Variants in ANKS1B observed in about 807,000 individuals in gnomAD.
The protein encoded by ANKS1B is ankyrin repeat and sterile alpha motif domain containing 1B.
In ANKS1B, 36 loss-of-function variants were observed where a neutral mutation model predicts 148.3. The ratio of observed to expected loss-of-function variants is 0.24; its 90% confidence interval spans 0.19 to 0.32. The LOEUF is 0.32. ANKS1B is among the 10% of genes least tolerant of loss of function. The pLI, the probability that ANKS1B is intolerant of heterozygous loss-of-function variation, is 1.00. For synonymous variants in ANKS1B, 542 were observed against 560.8 expected (o/e 0.97, Z 0.47); for missense variants, 1,157 against 1,542.6 (o/e 0.75, Z 4.19).
intron 17 of ANKS1B, among the ~76,000 whole-genome samples, chr12:98,897,890 A>G (rs2099767027): frequency 6.6e-6 from 1 of 152,236 alleles, no homozygotes; most frequent in Admixed American, 6.5e-5. Context: ...CATAAAAAAG[A>G]ATGAAATCAT....
At chr12:99,639,420 C>T (rs1005056592) in intron 9 of ANKS1B, among the ~76,000 whole-genome samples, 1 of 152,164 alleles carries the variant, frequency 6.6e-6, no homozygotes, top group South Asian at 2.1e-4. Flanking sequence ...TGAGTTAAGA[C>T]TTTGGGGGAC....
chr12:99,106,501 T>C (rs2059250755), intron 15 of ANKS1B, among the ~76,000 whole-genome samples: 2 of 152,262 alleles, frequency 1.3e-5, no homozygotes. Context: ...TATATACTCA[T>C]ACAACAGAAA....
At chr12:99,120,249 G>C (rs2062432283) in intron 15 of ANKS1B, among the ~76,000 whole-genome samples, 1 of 152,186 alleles carries the variant, frequency 6.6e-6, no homozygotes, top group African/African-American at 2.4e-5. Flanking sequence ...GTCATGGGGA[G>C]AACAAGCAAA....
intron 4 of ANKS1B, among the ~76,000 whole-genome samples, chr12:99,800,903 T>C (rs949117708): frequency 4.6e-5 from 7 of 151,966 alleles, no homozygotes; most frequent in Admixed American, 1.3e-4. Context: ...AATGAGGAAG[T>C]AGGTATAGAC....
chr12:99,410,599 G>A (rs1032448837), intron 11 of ANKS1B, among the ~76,000 whole-genome samples: 1 of 152,184 alleles, frequency 6.6e-6, no homozygotes, highest in Admixed American at 6.5e-5. Flanking sequence ...AACCTGGGAG[G>A]GGGAGCTTGC....
intron 16 of ANKS1B, among the ~76,000 whole-genome samples, chr12:99,071,180 T>C (rs1296074601): frequency 6.6e-6 from 1 of 152,242 alleles, no homozygotes; most frequent in Non-Finnish European, 1.5e-5. Context: ...TTTGCTAGAC[T>C]AAAATCTTCT....
intron 11 of ANKS1B, among the ~76,000 whole-genome samples, chr12:99,405,670 A>AG (rs1330112237): frequency 2.1e-5 from 3 of 144,854 alleles, no homozygotes; most frequent in Non-Finnish European, 4.6e-5. Context: ...ACACAATGGC[A>AG]GGATAAGTGC....
At position 99,239,350 on chromosome 12, in the gene ANKS1B, A is replaced by G. The variant is rs1024433974; in HGVS notation, c.2419+4992T>C. Reference sequence around the variant, plus strand: ...AAGATCAAATAAATGAAATAAAGCAAGAAGACAAGATTAGAGAAAAAAGAG... The same window carrying G: ...AAGATCAAATAAATGAAATAAAGCAGGAAGACAAGATTAGAGAAAAAAGAG... On this transcript the variant is annotated intron_variant, in intron 14 of 26. Coordinates refer to ENST00000683438, the MANE Select transcript of ANKS1B (RefSeq NM_001352186.2). Among the ~76,000 whole-genome samples, 13 of 152,308 alleles carry G rather than the reference A, an allele frequency of 8.5e-5. No individual in the cohort carries two copies. In the South Asian group the frequency reaches 2.7e-3, roughly 32 times the overall value.
intron 1 of ANKS1B, among the ~76,000 whole-genome samples, chr12:99,924,024 C>G (rs1204305573): frequency 1.3e-5 from 2 of 152,026 alleles, no homozygotes; most frequent in Non-Finnish European, 2.9e-5. Flanking sequence ...TTATTTAATA[C>G]TTTGGCACAC....
intron 17 of ANKS1B, among the ~76,000 whole-genome samples, chr12:99,034,779 T>C (rs117581158): frequency 0.011 from 1,666 of 152,326 alleles, 15 homozygotes; most frequent in Non-Finnish European, 0.018. Flanking sequence ...CATATGTTAA[T>C]CAAATACTTT....
intron 12 of ANKS1B, among the ~76,000 whole-genome samples, chr12:99,315,302 T>C (rs2083864331): frequency 1.3e-5 from 2 of 151,266 alleles, no homozygotes; most frequent in Non-Finnish European, 2.9e-5. Flanking sequence ...GAAAAAATTT[T>C]TTACAATCTA....
chr12:99,376,758 T>G (rs959410689), intron 12 of ANKS1B, among the ~76,000 whole-genome samples: 1 of 152,152 alleles, frequency 6.6e-6, no homozygotes, highest in Non-Finnish European at 1.5e-5. Context: ...ATATTTCTCT[T>G]GATGACAGTC....
intron 12 of ANKS1B, among the ~76,000 whole-genome samples, chr12:99,394,848 T>A (rs1299308368): frequency 2.0e-5 from 3 of 152,204 alleles, no homozygotes; most frequent in African/African-American, 4.8e-5. Flanking sequence ...TTCTGCTGCC[T>A]ACTTGACACA....
At position 98,957,307 on chromosome 12, in the gene ANKS1B, TTAAATA is replaced by T. The variant is rs1338241538; in HGVS notation, c.2778+95844_2778+95849del. Reference sequence around the variant, plus strand: ...CACAGTGGATGCTCCAGGATTTTTTTTAAATATTTATTTATTTATTTATTTATTTAT... The same window carrying T: ...CACAGTGGATGCTCCAGGATTTTTTTTTTATTTATTTATTTATTTATTTAT... On this transcript the variant is annotated intron_variant, in intron 17 of 26. Transcript: ENST00000683438. Among the ~76,000 whole-genome samples the T allele has an allele frequency of 8.0e-4, 117 of 145,448 alleles. 1 individual carries two copies. The highest frequency in any genetic ancestry group is 3.6e-3 in the Middle Eastern group (1 of 280).
intron 17 of ANKS1B, among the ~76,000 whole-genome samples, chr12:98,851,787 A>G (rs1169270254): frequency 6.6e-6 from 1 of 152,114 alleles, no homozygotes; most frequent in African/African-American, 2.4e-5. Context: ...GCACTTTGGG[A>G]GGCTGAGGTG....
intron 1 of ANKS1B, among the ~76,000 whole-genome samples, chr12:99,842,622 C>T (rs1399479379): frequency 6.6e-6 from 1 of 152,000 alleles, no homozygotes; most frequent in Non-Finnish European, 1.5e-5. Context: ...CCCATGTTTC[C>T]TCTTGGTAAT....
chr12:99,584,605 A>C (rs56131182), intron 9 of ANKS1B, among the ~76,000 whole-genome samples: 1 of 151,354 alleles, frequency 6.6e-6, no homozygotes. Flanking sequence ...TTGAGAGAGA[A>C]ATATATATAT....
intron 12 of ANKS1B, among the ~76,000 whole-genome samples, chr12:99,249,851 G>C (rs1311401086): frequency 2.0e-5 from 3 of 152,236 alleles, no homozygotes; most frequent in Non-Finnish European, 2.9e-5. Flanking sequence ...GTTGCTCTTG[G>C]AACCCTGACA....
chr12:98,853,559 G>C (rs2099544332), intron 17 of ANKS1B, among the ~76,000 whole-genome samples: 1 of 152,176 alleles, frequency 6.6e-6, no homozygotes, highest in Non-Finnish European at 1.5e-5. Flanking sequence ...TCTTCCCTTT[G>C]CTCTTTAAAT....
Sources: gnomAD v4.1 joint callset for allele counts (sites outside exome capture counted in the v4.1 genomes callset) on GRCh38, gnomAD v4.1.1 for gene constraint, MANE v1.5 for transcripts, NCBI Gene and HGNC (gene_info 2026-07-23, HGNC 2026-07-21) for gene names.